Variants in BARD1 observed in about 807,000 individuals in gnomAD.
The protein encoded by BARD1 is BRCA1 associated RING domain 1, also known as BRCA1-associated RING domain protein 1.
In BARD1, 73 loss-of-function variants were observed where a neutral mutation model predicts 77.0. The observed-to-expected ratio is 0.95, with a 90% CI of 0.79 to 1.15. The LOEUF (loss-of-function observed/expected upper bound fraction) is 1.15, where lower values mean the gene tolerates loss of function less well. Ranked by LOEUF, BARD1 falls within the 50% of genes most tolerant of loss-of-function variation. The probability of loss-of-function intolerance (pLI) is 0.00; values close to 1 mark genes in which losing one functional copy is unlikely to be tolerated. For missense variants in BARD1, 993 were observed against 938.8 expected, an observed-to-expected ratio of 1.06 and a Z score of -0.75; for synonymous variants, 384 against 338.0, an observed-to-expected ratio of 1.14 and a Z score of -1.49.
At chr2:214,737,045 G>A (rs1197082492) in intron 9 of BARD1, among the ~76,000 whole-genome samples, 2 of 152,080 alleles carry the variant, frequency 1.3e-5, no homozygotes, top group African/African-American at 2.4e-5. Context: ...TTTTGTTAAA[G>A]TTGCTGTTAT....
chr2:214,743,219 T>A (rs1692929330), intron 9 of BARD1, among the ~76,000 whole-genome samples: 1 of 152,152 alleles, frequency 6.6e-6, no homozygotes, highest in South Asian at 2.1e-4. Flanking sequence ...TACCAATTGA[T>A]GAAAGGAAAC....
intron 9 of BARD1, among the ~76,000 whole-genome samples, chr2:214,738,764 G>A (rs1196940411): frequency 6.6e-6 from 1 of 152,130 alleles, no homozygotes; most frequent in Admixed American, 6.5e-5. Flanking sequence ...GTCCAAAGGA[G>A]GAGACGATTA....
chr2:214,734,880 G>T (rs751711749), intron 9 of BARD1, among the ~76,000 whole-genome samples: 1 of 152,110 alleles, frequency 6.6e-6, no homozygotes, highest in Non-Finnish European at 1.5e-5. Context: ...AATCCAGCAA[G>T]AGTAGTATAG....
chr2:214,741,578 T>C (rs1692830591), intron 9 of BARD1, among the ~76,000 whole-genome samples: 1 of 152,166 alleles, frequency 6.6e-6, no homozygotes, highest in Non-Finnish European at 1.5e-5. Context: ...AGGGTGGTGC[T>C]AATGGCCTGT....
At chr2:214,808,250 A>C (rs982587893) in intron 1 of BARD1, among the ~76,000 whole-genome samples, 2 of 152,188 alleles carry the variant, frequency 1.3e-5, no homozygotes, top group African/African-American at 4.8e-5. Context: ...TGTACTAAAA[A>C]TACAAAAAAT....
chr2:214,803,898 G>A (rs1449214261), intron 1 of BARD1, among the ~76,000 whole-genome samples: 1 of 152,026 alleles, frequency 6.6e-6, no homozygotes, highest in African/African-American at 2.4e-5. Context: ...TAAGTAGTGA[G>A]AACAATTTTT....
At chr2:214,745,884 A>G in intron 7 of BARD1, 30 bp from the exon 8 acceptor site, 2 of 1,613,012 alleles carry the variant, frequency 1.2e-6, no homozygotes, top group Non-Finnish European at 1.7e-6. Context: ...TACCAGTGTT[A>G]AAAACATTAG....
chr2:214,807,894 C>T (rs982255189), intron 1 of BARD1, among the ~76,000 whole-genome samples: 3 of 152,172 alleles, frequency 2.0e-5, no homozygotes, highest in African/African-American at 7.2e-5. Flanking sequence ...AACTATAATG[C>T]TTCTGTTATT....
chr2:214,800,846 C>T (rs979378193), intron 1 of BARD1, among the ~76,000 whole-genome samples: 15 of 152,114 alleles, frequency 9.9e-5, no homozygotes, highest in African/African-American at 3.4e-4. Flanking sequence ...ACGAGGCCTT[C>T]AAAATAATTC....
intron 8 of BARD1, 47 bp downstream of exon 8, chr2:214,745,675 T>C: frequency 6.2e-7 from 1 of 1,602,780 alleles, no homozygotes; most frequent in Non-Finnish European, 8.5e-7. Flanking sequence ...AAGGATCATC[T>C]ATTTAACATT....
intron 6 of BARD1, among the ~76,000 whole-genome samples, chr2:214,757,933 C>CA (rs77798567): frequency 0.21 from 30,821 of 149,936 alleles, 3,684 homozygotes; most frequent in East Asian, 0.48. Flanking sequence ...TTAGAACCAC[C>CA]AAAAAAAAGG....
chr2:214,750,956 T>G (rs878912754), intron 7 of BARD1, among the ~76,000 whole-genome samples: 1 of 151,538 alleles, frequency 6.6e-6, no homozygotes, highest in South Asian at 2.1e-4. Context: ...CTATATAAAG[T>G]AATAAATTGT....
chr2:214,770,383 T>C (rs780587757), intron 4 of BARD1, among the ~76,000 whole-genome samples: 11 of 152,244 alleles, frequency 7.2e-5, no homozygotes, highest in South Asian at 2.1e-4. Context: ...TATGCAACAA[T>C]GTTATAACAG....
intron 9 of BARD1, among the ~76,000 whole-genome samples, chr2:214,731,448 T>C (rs553157155): frequency 1.3e-5 from 2 of 152,264 alleles, no homozygotes; most frequent in Non-Finnish European, 2.9e-5. Flanking sequence ...GGCATGTATA[T>C]ATATTTATCA....
At chr2:214,756,867 C>T (rs7581599) in intron 6 of BARD1, among the ~76,000 whole-genome samples, 152,151 of 152,306 alleles carry the variant, frequency 1, 75,999 homozygotes, top group Non-Finnish European at 1. Context: ...AGACTACAAA[C>T]TGGGTTCAGT....
intron 2 of BARD1, among the ~76,000 whole-genome samples, chr2:214,795,907 A>T (rs1695734880): frequency 6.6e-6 from 1 of 151,908 alleles, no homozygotes; most frequent in Non-Finnish European, 1.5e-5. Context: ...TCCATCTCCT[A>T]CCCCCCATCC....
In BARD1 at chr2:214,728,810, T is replaced by C. The variant is rs1553612113; in HGVS notation, c.2200A>G (p.Thr734Ala). Residue 734 changes from threonine to alanine, a missense_variant, in exon 11 of 11, where the codon ACA becomes GCA. Transcript: ENST00000260947. ...AAATCTTCATAGATGATATACTGTG[T>C]GCAGAAGCGCTGATCAGAATCGGGT... is the stretch of plus-strand genomic sequence containing the variant. ...ARPDSDQRFC[T>A]QYIIYEDLCN... 3.1e-6 allele frequency: 5 copies of C among 1,614,250 alleles called. No homozygotes were observed. Among genetic ancestry groups the C allele is most frequent in the Non-Finnish European group, 4.2e-6 (5 of 1,180,046 alleles).
At chr2:214,793,566 A>G (rs938017383) in intron 2 of BARD1, among the ~76,000 whole-genome samples, 1 of 152,202 alleles carries the variant, frequency 6.6e-6, no homozygotes, top group Non-Finnish European at 1.5e-5. Context: ...GCAATACTTA[A>G]TTATCAGTAA....
At chr2:214,766,193 C>G (rs938301786) in intron 6 of BARD1, among the ~76,000 whole-genome samples, 1 of 152,072 alleles carries the variant, frequency 6.6e-6, no homozygotes, top group Non-Finnish European at 1.5e-5. Context: ...TTGACAATGC[C>G]AATTTTAAAA....
Sources: allele counts gnomAD v4.1 joint callset (sites outside exome capture counted in the v4.1 genomes callset), GRCh38; gene constraint gnomAD v4.1.1; transcripts MANE v1.5; gene names NCBI Gene and HGNC (gene_info 2026-07-23, HGNC 2026-07-21).